CLPTM1: variants seen among roughly 807,000 people sequenced by gnomAD.
CLPTM1 encodes the protein putative lipid scramblase CLPTM1.
Under a neutral mutation model 77.3 loss-of-function variants are expected in CLPTM1, and 21 were observed. The ratio of observed to expected loss-of-function variants is 0.27; its 90% CI spans 0.19 to 0.39. The LOEUF is 0.39. Among genes scored for constraint, CLPTM1 ranks in the 10% least tolerant of loss-of-function variants. CLPTM1 has a pLI of 1.00. For synonymous variants in CLPTM1, 373 were observed against 381.0 expected, an observed-to-expected ratio of 0.98 and a Z score of 0.24; for missense variants, 642 against 921.2, an observed-to-expected ratio of 0.70 and a Z score of 3.92.
rs986576465 is a variant in CLPTM1, at chr19:44,986,711, C to G, written c.793+136C>G. 6 of 1,167,770 alleles carry G rather than the reference C, an allele frequency of 5.1e-6. No homozygotes were observed. The African/African-American group carries it at 9.3e-5, about 18-fold the overall frequency. 72.3% of individuals were successfully genotyped at this position (1,167,770 alleles called of 1,614,324 possible). A position where few individuals can be genotyped will look rare whatever the true frequency, so the allele number is the denominator to read the frequency against. On this transcript the variant is annotated intron_variant, in intron 7 of 13. Transcript: ENST00000337392. ...CACCCTCCCAAGCTCCCACCCTGTCCTATCCCCTTCCCATGTCCTCTCCCT... is the reference window on the plus strand; with the variant it reads ...CACCCTCCCAAGCTCCCACCCTGTCGTATCCCCTTCCCATGTCCTCTCCCT...
At chr19:44,971,924 G>T (rs1362612479) in intron 2 of CLPTM1, among the ~76,000 whole-genome samples, 5 of 148,210 alleles carry the variant, frequency 3.4e-5, no homozygotes, top group South Asian at 2.2e-4. Context: ...AGGCTGGAGG[G>T]CAGTGGCGCA....
At chr19:44,960,627 C>G (rs937295950) in intron 1 of CLPTM1, among the ~76,000 whole-genome samples, 4 of 152,182 alleles carry the variant, frequency 2.6e-5, no homozygotes, top group African/African-American at 7.2e-5. Context: ...GCCCCTCTAA[C>G]CATGCTCCTG....
Position 44,969,849 on chromosome 19 carries a change from G to A in CLPTM1, c.186-3238G>A, listed in dbSNP as rs140335107. Among the ~76,000 whole-genome samples the A allele has an allele frequency of 4.4e-3, 659 of 151,372 alleles. 7 individuals carry two copies. The highest frequency in any genetic ancestry group is 0.015 in the African/African-American group (617 of 41,014). ...ATTACAGGCGCCCGCCACCACGCCC[G>A]GCTAATTTTTGTATTTTTAGTAGAG... is the stretch of plus-strand genomic sequence containing the variant. On this transcript the variant is annotated intron_variant, in intron 2 of 13. Transcript: ENST00000337392.
At position 44,992,874 on chromosome 19, in the gene CLPTM1, G is replaced by A. The variant is rs752461597; in HGVS notation, c.1987G>A (p.Ala663Thr). ...GCCCCAGGAAGCCCCTCCAAAGCCA[G>A]CAGAGGACAAGAAAAAGGATTAGTC... ...SEPQEAPPKP[A>T]EDKKKD Residue 663 changes from alanine to threonine, a missense_variant, in exon 14 of 14, where the codon GCA becomes ACA. By Grantham distance (58) the Ala-to-Thr change is moderately conservative. Transcript: ENST00000337392. This position sits in a 1 kb window ranked among gnomAD's most constrained non-coding sequence, Gnocchi z 7.7. The A allele has an allele frequency of 8.7e-6, 14 of 1,613,664 alleles. No individual in the cohort carries two copies. The South Asian group carries it at 1.1e-4, about 13-fold the overall frequency.
In CLPTM1 at chr19:44,991,309, C is replaced by T. The variant is rs199951583; in HGVS notation, c.1491C>T (p.Tyr497=). 20 of 1,614,068 alleles carry T rather than the reference C, an allele frequency of 1.2e-5. No individual in the cohort carries two copies. The highest frequency in any genetic ancestry group is 1.7e-5 in the Non-Finnish European group (20 of 1,179,976). ...LGCYAVYSLL[Y]LEHKGWYSWV... Reference sequence around the variant, plus strand: ...GCTATGCCGTCTACAGTCTTCTGTACCTGGAGCACAAGGGCTGGTACTCCT... The same window carrying T: ...GCTATGCCGTCTACAGTCTTCTGTATCTGGAGCACAAGGGCTGGTACTCCT... Residue 497 remains tyrosine, a synonymous_variant, in exon 12 of 14, where the codon TAC becomes TAT. Transcript: ENST00000337392. The surrounding 1 kb of genome is among the most constrained non-coding windows in gnomAD (Gnocchi z 5.4).
At chr19:44,989,601 G>A (rs1211222690) in intron 9 of CLPTM1, among the ~76,000 whole-genome samples, 2 of 152,062 alleles carry the variant, frequency 1.3e-5, no homozygotes, top group Non-Finnish European at 2.9e-5. Context: ...CTCTGGGATG[G>A]GGTAGGGTGC....
chr19:44,955,606 A>T, intron 1 of CLPTM1, 139 bp downstream of exon 1: 743 of 615,160 alleles, frequency 1.2e-3, no homozygotes, highest in East Asian at 4.0e-3. Context: ...CGGCCCAGGC[A>T]GGGCCGGACC....
chr19:44,988,932 G>GGCCTC (rs1437034184), intron 9 of CLPTM1, among the ~76,000 whole-genome samples: 1 of 152,154 alleles, frequency 6.6e-6, no homozygotes, highest in African/African-American at 2.4e-5. Flanking sequence ...TGTAATCCCA[G>GGCCTC]CACTTTGGGA....
upstream of CLPTM1, chr19:44,954,736 G>C (rs1230160521): frequency 7.7e-7 from 1 of 1,300,530 alleles, no homozygotes; most frequent in Non-Finnish European, 9.8e-7. Flanking sequence ...ATGCGTGCTA[G>C]GCAGGGCAGT....
rs556674547 is a variant in CLPTM1, at chr19:44,962,722, G to A, written c.185+647G>A. 2.6e-5 allele frequency among the ~76,000 whole-genome samples: 4 copies of A among 152,188 alleles called. No individual in the cohort carries two copies. The South Asian group carries it at 8.3e-4, about 32-fold the overall frequency. The stretch of plus-strand genomic sequence containing the variant: ...GGTTGGAAGGACTGCTTGAGCCCAG[G>A]AGTTTGAGACCAGCCTGGGCAACAT... On this transcript the variant is annotated intron_variant, in intron 2 of 13. Transcript: ENST00000337392.
chr19:44,986,380 A>T (rs1442947773), intron 6 of CLPTM1, 75 bp from the exon 7 acceptor site: 4 of 1,525,868 alleles, frequency 2.6e-6, no homozygotes, highest in Admixed American at 4.1e-5. Context: ...AACCCTGGGG[A>T]GGAAGTGTAC....
intron 2 of CLPTM1, among the ~76,000 whole-genome samples, chr19:44,972,622 T>A (rs1460264072): frequency 6.6e-6 from 1 of 152,170 alleles, no homozygotes; most frequent in African/African-American, 2.4e-5. Flanking sequence ...TTCCAGATTC[T>A]TTCTTTTAAA....
intron 2 of CLPTM1, among the ~76,000 whole-genome samples, chr19:44,963,642 T>A (rs1174111628): frequency 6.9e-6 from 1 of 145,030 alleles, no homozygotes; most frequent in Admixed American, 6.8e-5. Flanking sequence ...ATTTTTGTAA[T>A]GGAGTCTCGC....
intron 1 of CLPTM1, chr19:44,955,683 C>T: frequency 2.4e-6 from 1 of 410,754 alleles, no homozygotes; most frequent in Non-Finnish European, 4.2e-6. Context: ...CACGCTCGAG[C>T]CGGGCGGCCA....
Position 44,973,930 on chromosome 19 carries a change from A to AT in CLPTM1, c.310-503dup, listed in dbSNP as rs548784627. Among the ~76,000 whole-genome samples the AT allele has an allele frequency of 2.0e-3, 268 of 135,726 alleles. 1 individual carries two copies. The highest frequency in any genetic ancestry group is 3.5e-3 in the Non-Finnish European group (224 of 63,902). The allele number at this position is 135,726 out of a possible 152,430, so 89.0% of individuals were successfully genotyped here. ...AGGCATGTGCCACCACGTCCAGCTA[A>AT]TTTTTTGTATTTTTAGTAGAGATGG... On this transcript the variant is annotated intron_variant, in intron 3 of 13. Coordinates refer to ENST00000337392, the MANE Select transcript of CLPTM1 (RefSeq NM_001294.4).
At chr19:44,961,751 C>T (rs139950084) in intron 1 of CLPTM1, among the ~76,000 whole-genome samples, 3 of 152,324 alleles carry the variant, frequency 2.0e-5, no homozygotes, top group Non-Finnish European at 2.9e-5. Context: ...CTCTAGGTCA[C>T]CACTGTCCCT....
At chr19:44,975,077 T>A (rs1481783207) in intron 4 of CLPTM1, among the ~76,000 whole-genome samples, 5 of 152,116 alleles carry the variant, frequency 3.3e-5, no homozygotes, top group African/African-American at 4.8e-5. Flanking sequence ...GAAAGTGATT[T>A]ACCCAAGGCC....
chr19:44,979,073 A>G (rs945353807), intron 5 of CLPTM1, among the ~76,000 whole-genome samples: 2 of 149,858 alleles, frequency 1.3e-5, no homozygotes, highest in Non-Finnish European at 3.0e-5. Flanking sequence ...TCCACCTCCC[A>G]AGTTCAAGCG....
intron 4 of CLPTM1, among the ~76,000 whole-genome samples, chr19:44,975,631 C>G (rs111297158): frequency 0.015 from 2,358 of 152,184 alleles, 68 homozygotes; most frequent in African/African-American, 0.054. Context: ...GTGGCGCAAC[C>G]TTGGCTCACT....
Sources: allele counts gnomAD v4.1 joint callset (sites outside exome capture counted in the v4.1 genomes callset), GRCh38; gene constraint gnomAD v4.1.1; non-coding constraint Gnocchi (gnomAD v3.1); transcripts MANE v1.5; gene names NCBI Gene and HGNC (gene_info 2026-07-23, HGNC 2026-07-21).